The following PEX11G variants were observed in gnomAD, a reference collection of about 807,000 sequenced individuals.
The protein encoded by PEX11G is peroxisomal membrane protein 11C.
In PEX11G, 20 loss-of-function variants were observed where a neutral mutation model predicts 22.5. The ratio of observed to expected loss-of-function variants is 0.89; its 90% CI spans 0.62 to 1.29. PEX11G has a LOEUF of 1.29. PEX11G is among the 50% of genes most tolerant of loss of function. The pLI is 0.00. For synonymous variants in PEX11G, 141 were observed against 154.5 expected, an observed-to-expected ratio of 0.91 and a Z score of 0.65; for missense variants, 347 against 331.3, an observed-to-expected ratio of 1.05 and a Z score of -0.37.
chr19:7,479,682 C>T (rs1390316821), intron 3 of PEX11G, among the ~76,000 whole-genome samples: 2 of 152,250 alleles, frequency 1.3e-5, no homozygotes, highest in African/African-American at 4.8e-5. Context: ...AACAAGAATG[C>T]CGCAGCAGGC....
upstream of PEX11G, among the ~76,000 whole-genome samples, chr19:7,493,892 C>T (rs1462396243): frequency 4.7e-5 from 7 of 150,188 alleles, no homozygotes; most frequent in Non-Finnish European, 7.4e-5. Context: ...CCCCTCTCCC[C>T]CAGTGGGGGG....
Position 7,479,965 on chromosome 19 carries a change from T to A in PEX11G, c.429-1589A>T, listed in dbSNP as rs114844173. Among the ~76,000 whole-genome samples the A allele has an allele frequency of 3.8e-3, 581 of 152,062 alleles. 7 individuals are homozygous for A. Among genetic ancestry groups the A allele is most frequent in the African/African-American group, 0.013 (538 of 41,512 alleles). ...TTTTGCCATGAGCCTAAAACTGCTCTAAAAAAATAAAGTCTGGGCCGGGAG... is the reference window on the plus strand; with the variant it reads ...TTTTGCCATGAGCCTAAAACTGCTCAAAAAAAATAAAGTCTGGGCCGGGAG... On this transcript the variant is annotated intron_variant, in intron 3 of 4. Transcript: ENST00000221480.
intron 4 of PEX11G, among the ~76,000 whole-genome samples, chr19:7,477,676 G>A (rs1009874557): frequency 1.3e-5 from 2 of 152,158 alleles, no homozygotes; most frequent in South Asian, 2.1e-4. Flanking sequence ...CTCACTCCTC[G>A]TCCTGAACAC....
chr19:7,479,090 A>C (rs1263431971), intron 3 of PEX11G, among the ~76,000 whole-genome samples: 1 of 152,310 alleles, frequency 6.6e-6, no homozygotes, highest in South Asian at 2.1e-4. Context: ...CTGGGTACCC[A>C]GGGTGCAGGA....
intron 2 of PEX11G, among the ~76,000 whole-genome samples, chr19:7,484,553 A>C (rs942305303): frequency 6.6e-6 from 1 of 152,130 alleles, no homozygotes; most frequent in African/African-American, 2.4e-5. Flanking sequence ...CAGGTGGATC[A>C]CTTGAGGTCA....
chr19:7,493,646 C>T (rs1306934963), upstream of PEX11G, among the ~76,000 whole-genome samples: 1 of 152,050 alleles, frequency 6.6e-6, no homozygotes, highest in African/African-American at 2.4e-5. Context: ...ACTGGGATTA[C>T]AGGTGTGTGC....
intron 2 of PEX11G, among the ~76,000 whole-genome samples, chr19:7,485,319 C>T (rs570245354): frequency 2.1e-4 from 32 of 151,910 alleles, no homozygotes; most frequent in Non-Finnish European, 1.5e-4. Flanking sequence ...TACAGGCACA[C>T]GCCACCATGC....
At chr19:7,478,000 C>G (rs139522299) in intron 4 of PEX11G, among the ~76,000 whole-genome samples, 2,523 of 152,284 alleles carry the variant, frequency 0.017, 76 homozygotes, top group African/African-American at 0.057. Context: ...CCAGCCTGGG[C>G]AACAGAGCAA....
At chr19:7,486,866 T>G (rs1179155473) in intron 1 of PEX11G, among the ~76,000 whole-genome samples, 1 of 152,112 alleles carries the variant, frequency 6.6e-6, no homozygotes, top group Non-Finnish European at 1.5e-5. Flanking sequence ...CCCAAAGTGC[T>G]GGGATTACAG....
At chr19:7,484,634 A>C (rs1013578383) in intron 2 of PEX11G, among the ~76,000 whole-genome samples, 3 of 151,980 alleles carry the variant, frequency 2.0e-5, no homozygotes, top group Non-Finnish European at 2.9e-5. Context: ...TTAGCCAGGC[A>C]TGGTGGGGGG....
chr19:7,482,363 G>C lies in PEX11G; in HGVS notation c.250-152C>G, dbSNP rs1977536807. On this transcript the variant is annotated intron_variant, in intron 2 of 4. Coordinates refer to ENST00000221480, the MANE Select transcript of PEX11G (RefSeq NM_080662.4). Reference sequence around the variant, plus strand: ...CAGGCCCCGCGGGAGAAAGGCTCTGGGGCTGGGGTCCCCGCACAGGCCTGA... The same window carrying C: ...CAGGCCCCGCGGGAGAAAGGCTCTGCGGCTGGGGTCCCCGCACAGGCCTGA... 4 of 898,898 alleles carry C rather than the reference G, an allele frequency of 4.4e-6. No homozygotes were observed. In the South Asian group the frequency reaches 7.3e-5, roughly 16 times the overall value. 55.7% of individuals were successfully genotyped at this position (898,898 alleles called of 1,614,324 possible).
Position 7,482,056 on chromosome 19 carries a change from G to T in PEX11G, c.405C>A (p.Leu135=). 1 of 1,604,144 alleles carries T rather than the reference G, an allele frequency of 6.2e-7. No homozygotes were observed. Among genetic ancestry groups the T allele is most frequent in the Non-Finnish European group, 8.5e-7 (1 of 1,176,604 alleles). ...ACCTGGCAACCCCCAGGAGCAGAGA[G>T]AGGGCCCACAGGGTTGTACTCAGCG... The part of the protein sequence containing the change: ...WWTLSTTLWA[L]SLLLGVARSL... The change falls in exon 3 of 5, where the codon CTC becomes CTA. Residue 135 remains leucine, a synonymous_variant. Transcript: ENST00000221480.
chr19:7,485,123 C>T (rs924593554), intron 2 of PEX11G, among the ~76,000 whole-genome samples: 3 of 152,106 alleles, frequency 2.0e-5, no homozygotes, highest in African/African-American at 7.2e-5. Flanking sequence ...CTCCACTGCA[C>T]TCCAGCCTGT....
At chr19:7,480,380 C>T (rs2145955833) in intron 3 of PEX11G, among the ~76,000 whole-genome samples, 1 of 152,328 alleles carries the variant, frequency 6.6e-6, no homozygotes, top group South Asian at 2.1e-4. Flanking sequence ...CCCCCTCTGA[C>T]CGGAGCCCCA....
intron 4 of PEX11G, 142 bp downstream of exon 4, chr19:7,478,172 A>T: frequency 1.2e-6 from 1 of 847,628 alleles, no homozygotes; most frequent in Non-Finnish European, 1.8e-6. Context: ...AGGTACCGCC[A>T]CCCACCAGAG....
chr19:7,477,766 G>C (rs576277154), intron 4 of PEX11G, among the ~76,000 whole-genome samples: 51 of 152,368 alleles, frequency 3.3e-4, no homozygotes, highest in Non-Finnish European at 6.5e-4. Context: ...GAACCCCCAG[G>C]AGCGTGGCCT....
rs1331544849 is a variant in PEX11G, at chr19:7,477,450, A to AGGG, written c.492-17_492-15dup. 1 of 1,419,688 alleles carries AGGG rather than the reference A, an allele frequency of 7.0e-7. No homozygotes were observed. The allele number at this position is 1,419,688 out of a possible 1,614,324, so 87.9% of individuals were successfully genotyped here. ...CGGGGCAGCGGGCTGTGGGGCAGAG[A>AGGG]GGGGCCGCTTACACTCACGCTCACA... On this transcript the variant is annotated splice_polypyrimidine_tract_variant and intron_variant, in intron 4 of 4. Transcript: ENST00000221480.
intron 3 of PEX11G, among the ~76,000 whole-genome samples, chr19:7,479,155 A>C (rs1977376822): frequency 6.6e-6 from 1 of 152,178 alleles, no homozygotes; most frequent in Admixed American, 6.5e-5. Flanking sequence ...GGCTAGGGAA[A>C]AACACTGATT....
upstream of PEX11G, among the ~76,000 whole-genome samples, chr19:7,492,260 A>G (rs2021903368): frequency 6.6e-6 from 1 of 152,142 alleles, no homozygotes; most frequent in African/African-American, 2.4e-5. Flanking sequence ...ACTGTTTCCC[A>G]CAGTAGCAGT....
Sources: gnomAD v4.1 joint callset for allele counts (sites outside exome capture counted in the v4.1 genomes callset) on GRCh38, gnomAD v4.1.1 for gene constraint, MANE v1.5 for transcripts, NCBI Gene and HGNC (gene_info 2026-07-23, HGNC 2026-07-21) for gene names.